Variants in KCTD10 observed in about 807,000 individuals in gnomAD.
The protein encoded by KCTD10 is BTB/POZ domain-containing adapter for CUL3-mediated RhoA degradation protein 3.
A neutral mutation model predicts 34.6 loss-of-function variants in KCTD10; 13 were observed. The observed-to-expected ratio is 0.38, with a 90% CI of 0.24 to 0.60. KCTD10 has a LOEUF of 0.60. Among genes scored for constraint, KCTD10 ranks in the 20% least tolerant of loss-of-function variants. The pLI is 0.66. For missense variants in KCTD10, 256 were observed against 420.3 expected (o/e 0.61, Z 3.42); for synonymous variants, 156 against 168.8 (o/e 0.92, Z 0.59).
At chr12:109,457,918 T>C (rs1434826486) in intron 4 of KCTD10, 74 bp downstream of exon 4, 1 of 1,319,892 alleles carries the variant, frequency 7.6e-7, no homozygotes, top group Non-Finnish European at 1.1e-6. Flanking sequence ...ATGTTTTTAT[T>C]TCAAAAGTTA....
intron 6 of KCTD10, among the ~76,000 whole-genome samples, chr12:109,452,491 C>A (rs376867378): frequency 1.4e-4 from 21 of 152,346 alleles, no homozygotes; most frequent in East Asian, 5.8e-4. Context: ...AAGCAGGTCC[C>A]ACACATTTGA....
In KCTD10 at chr12:109,450,163, C is replaced by A; in HGVS notation, c.*1432G>T. The A allele has an allele frequency of 2.5e-6, 1 of 398,342 alleles. No homozygotes were observed. The highest frequency in any genetic ancestry group is 1.3e-4 in the South Asian group (1 of 7,666). 24.7% of individuals were successfully genotyped at this position (398,342 alleles called of 1,614,324 possible). On this transcript the variant is annotated 3_prime_UTR_variant, in exon 7 of 7. Transcript: ENST00000228495. ...TTTGGTATAAAACGGTAACGATTCC[C>A]TTGACAAACCCATCCATCACCTGAC...
intron 1 of KCTD10, chr12:109,470,471 C>T (rs1341454167): frequency 5.1e-6 from 5 of 985,462 alleles, no homozygotes; most frequent in Non-Finnish European, 6.0e-6. Flanking sequence ...GATACAGTGG[C>T]TGATTTACGC....
intron 2 of KCTD10, among the ~76,000 whole-genome samples, chr12:109,462,417 C>T (rs1408743791): frequency 6.6e-6 from 1 of 152,232 alleles, no homozygotes; most frequent in East Asian, 1.9e-4. Flanking sequence ...AAATGTATAG[C>T]CCTGAGTCAA....
At chr12:109,463,788 G>T (rs1328792988) in intron 2 of KCTD10, among the ~76,000 whole-genome samples, 1 of 152,206 alleles carries the variant, frequency 6.6e-6, no homozygotes, top group Admixed American at 6.5e-5. Flanking sequence ...CGATCTCACA[G>T]GGTTGACATA....
intron 2 of KCTD10, among the ~76,000 whole-genome samples, chr12:109,461,239 G>C (rs1465970636): frequency 6.6e-6 from 1 of 152,154 alleles, no homozygotes; most frequent in Non-Finnish European, 1.5e-5. Context: ...CCTTCAAACT[G>C]TCACATTAAC....
Position 109,460,242 on chromosome 12 carries a change from T to C in KCTD10, c.387+394A>G, listed in dbSNP as rs11613023. The C allele has an allele frequency of 0.17, 27,589 of 163,958 alleles. 2,409 individuals are homozygous for C. The highest frequency in any genetic ancestry group is 0.18 in the African/African-American group (7,705 of 41,970). 10.2% of individuals were successfully genotyped at this position (163,958 alleles called of 1,614,324 possible). The stretch of plus-strand genomic sequence containing the variant: ...AGACCTGACTCCAGTGGTCCTGCTC[T>C]GTCTAGCTAAGGAGTGAGGGGTGTC... On this transcript the variant is annotated intron_variant, in intron 3 of 6. Transcript: ENST00000228495. The surrounding 1 kb of genome is among the most constrained non-coding windows in gnomAD (Gnocchi z 4.5).
intron 1 of KCTD10, among the ~76,000 whole-genome samples, chr12:109,471,952 ATACTTG>A (rs1323748802): frequency 6.6e-6 from 1 of 152,180 alleles, no homozygotes; most frequent in Non-Finnish European, 1.5e-5. Context: ...TTCTAATGGC[ATACTTG>A]TATAGGACAC....
chr12:109,458,409 T>G, intron 3 of KCTD10: 1 of 222,526 alleles, frequency 4.5e-6, no homozygotes, highest in East Asian at 1.0e-4. Context: ...AAAACCCCAC[T>G]ACCATGACTG....
chr12:109,456,793 T>C (rs1873042996), intron 5 of KCTD10: 1 of 168,730 alleles, frequency 5.9e-6, no homozygotes, highest in Non-Finnish European at 1.3e-5. Flanking sequence ...CCAAATGGCA[T>C]TCTAGAAACC....
chr12:109,457,679 C>G lies in KCTD10; in HGVS notation c.478G>C (p.Ala160Pro). ...QKLIATSNKP[A>P]VKLLYNRSNN... The stretch of plus-strand genomic sequence containing the variant: ...CTTCTGTTGTAGAGCAACTTCACGG[C>G]TGGCTGTGGGTTGTTTTAAAAGAAG... Residue 160 changes from alanine (A) to proline (P), a missense_variant, in exon 5 of 7, where the codon GCC becomes CCC. Physicochemically the swap from Ala to Pro is conservative, Grantham distance 27. Transcript: ENST00000228495. 1 of 1,614,186 alleles carries G rather than the reference C, an allele frequency of 6.2e-7. No individual in the cohort carries two copies. The highest frequency in any genetic ancestry group is 1.3e-5 in the African/African-American group (1 of 75,056).
chr12:109,455,271 A>T (rs1368145505), intron 6 of KCTD10, among the ~76,000 whole-genome samples: 2 of 152,046 alleles, frequency 1.3e-5, no homozygotes, highest in African/African-American at 4.8e-5. Context: ...AGTGCTGGGG[A>T]GGAGGAGTAG....
At chr12:109,452,687 C>G (rs984918089) in intron 6 of KCTD10, among the ~76,000 whole-genome samples, 1 of 152,142 alleles carries the variant, frequency 6.6e-6, no homozygotes, top group African/African-American at 2.4e-5. Context: ...GGAGTAATGC[C>G]CAACAGTGAG....
chr12:109,462,442 G>A (rs1398450757), intron 2 of KCTD10, among the ~76,000 whole-genome samples: 1 of 152,270 alleles, frequency 6.6e-6, no homozygotes, highest in African/African-American at 2.4e-5. Context: ...TGGTTTCAGG[G>A]AAGAAAGAGG....
intron 2 of KCTD10, chr12:109,465,013 A>T: frequency 6.5e-6 from 2 of 309,072 alleles, no homozygotes; most frequent in South Asian, 2.6e-5. Flanking sequence ...GGATCTAGGG[A>T]GTCCAGAGCC....
chr12:109,467,234 A>G (rs1441953473), intron 2 of KCTD10, among the ~76,000 whole-genome samples: 1 of 152,242 alleles, frequency 6.6e-6, no homozygotes, highest in Non-Finnish European at 1.5e-5. Flanking sequence ...CAGCTTTTGA[A>G]AAAGCATTTC....
intron 1 of KCTD10, among the ~76,000 whole-genome samples, chr12:109,474,235 G>C (rs1319687963): frequency 6.6e-6 from 1 of 152,100 alleles, no homozygotes; most frequent in African/African-American, 2.4e-5. Context: ...TTTTTGACTT[G>C]TTTCAAAGGT....
At position 109,449,281 on chromosome 12, in the gene KCTD10, T is replaced by C. The variant is rs1872638766; in HGVS notation, c.*2314A>G. 1 of 152,198 alleles carries C rather than the reference T, an allele frequency of 6.6e-6. No homozygotes were observed. The highest frequency in any genetic ancestry group is 1.5e-5 in the Non-Finnish European group (1 of 68,036). 9.4% of individuals were successfully genotyped at this position (152,198 alleles called of 1,614,324 possible). ...GACAGAATTGTTCACCATGGAATGTTTTATAAACCTGTTCATATTCCAGAG... is the reference window on the plus strand; with the variant it reads ...GACAGAATTGTTCACCATGGAATGTCTTATAAACCTGTTCATATTCCAGAG... On this transcript the variant is annotated 3_prime_UTR_variant, in exon 7 of 7. Coordinates refer to ENST00000228495, the MANE Select transcript of KCTD10 (RefSeq NM_031954.5).
intron 2 of KCTD10, among the ~76,000 whole-genome samples, chr12:109,466,067 A>T (rs1343548024): frequency 6.6e-6 from 1 of 152,170 alleles, no homozygotes; most frequent in Non-Finnish European, 1.5e-5. Context: ...AAATTCTAGC[A>T]TTGTGGGAAC....
Sources: allele counts gnomAD v4.1 joint callset (sites outside exome capture counted in the v4.1 genomes callset), GRCh38; gene constraint gnomAD v4.1.1; non-coding constraint Gnocchi (gnomAD v3.1); transcripts MANE v1.5; gene names NCBI Gene and HGNC (gene_info 2026-07-23, HGNC 2026-07-21).